Variants in PHF21A observed in about 807,000 individuals in gnomAD.
PHF21A encodes BHC80a.
A neutral mutation model predicts 82.5 loss-of-function variants in PHF21A; 11 were observed. The observed-to-expected ratio is 0.13, with a 90% CI of 0.08 to 0.22. The LOEUF (loss-of-function observed/expected upper bound fraction) is 0.22, where lower values mean the gene tolerates loss of function less well. Ranked by LOEUF, PHF21A falls within the 10% of genes least tolerant of loss-of-function variation. The pLI is 1.00. For missense variants in PHF21A, 579 were observed against 837.8 expected (o/e 0.69, Z 3.81); for synonymous variants, 297 against 302.8 (o/e 0.98, Z 0.20).
chr11:45,948,965 G>A lies in PHF21A; in HGVS notation c.1228-19C>T, dbSNP rs746958645. The A allele has an allele frequency of 6.2e-7, 1 of 1,605,560 alleles. No individual in the cohort carries two copies. Among genetic ancestry groups the A allele is most frequent in the East Asian group, 2.2e-5 (1 of 44,854 alleles). On this transcript the variant is annotated intron_variant, in intron 13 of 18. Transcript: ENST00000676320. ...TCTTACGCTTTGAGGGTTGAAGGAG[G>A]AAAGGTGACTGTTGAGTAGTGTGGT...
intron 9 of PHF21A, among the ~76,000 whole-genome samples, chr11:45,965,918 A>T (rs1288624070): frequency 6.6e-6 from 1 of 152,082 alleles, no homozygotes; most frequent in East Asian, 1.9e-4. Context: ...ACTTGTGCAC[A>T]GTATAGTCAT....
At chr11:46,109,088 A>G (rs1363769664) in intron 1 of PHF21A, among the ~76,000 whole-genome samples, 1 of 152,210 alleles carries the variant, frequency 6.6e-6, no homozygotes, top group Non-Finnish European at 1.5e-5. Flanking sequence ...AAACTTCTTT[A>G]GTAATTCATT....
chr11:46,036,157 A>T (rs557501234), intron 6 of PHF21A, among the ~76,000 whole-genome samples: 1 of 152,366 alleles, frequency 6.6e-6, no homozygotes, highest in South Asian at 2.1e-4. Context: ...GATGAGTGAA[A>T]GGGAAGAATC....
intron 1 of PHF21A, among the ~76,000 whole-genome samples, chr11:46,097,233 G>A (rs1593180766): frequency 1.3e-5 from 2 of 152,134 alleles, no homozygotes; most frequent in East Asian, 3.9e-4. Flanking sequence ...GACAGATCTT[G>A]TTACTCCTCT....
chr11:45,937,050 T>G (rs1176695319), intron 16 of PHF21A, among the ~76,000 whole-genome samples: 1 of 152,162 alleles, frequency 6.6e-6, no homozygotes, highest in Non-Finnish European at 1.5e-5. Flanking sequence ...CTAGACCCTA[T>G]GTCAAAAATC....
At chr11:46,002,620 A>G (rs1196792499) in intron 6 of PHF21A, among the ~76,000 whole-genome samples, 1 of 152,112 alleles carries the variant, frequency 6.6e-6, no homozygotes, top group African/African-American at 2.4e-5. Flanking sequence ...CGTCACAGAT[A>G]TTACCATTAG....
chr11:46,029,580 T>C (rs909595176), intron 6 of PHF21A, among the ~76,000 whole-genome samples: 7 of 149,638 alleles, frequency 4.7e-5, no homozygotes, highest in African/African-American at 1.7e-4. Context: ...CCCAGCTACT[T>C]GGGAAGCTGA....
chr11:45,975,629 T>C lies in PHF21A; in HGVS notation c.360+4131A>G, dbSNP rs1019071349. 4.6e-5 allele frequency among the ~76,000 whole-genome samples: 7 copies of C among 152,336 alleles called. No individual in the cohort carries two copies. The South Asian group carries it at 1.2e-3, about 27-fold the overall frequency. The stretch of plus-strand genomic sequence containing the variant: ...ACATTTGCATTATGCCATTAAAAAT[T>C]AGAGGGCTGTGAATATAGGTTGGAG... On this transcript the variant is annotated intron_variant, in intron 7 of 18. Transcript: ENST00000676320.
intron 6 of PHF21A, among the ~76,000 whole-genome samples, chr11:45,987,251 A>T (rs200599552): frequency 6.7e-6 from 1 of 148,446 alleles, no homozygotes; most frequent in African/African-American, 2.5e-5. Context: ...ATCATAAATA[A>T]ATGTATGTAT....
intron 7 of PHF21A, among the ~76,000 whole-genome samples, chr11:45,977,229 C>T (rs909173991): frequency 6.6e-6 from 1 of 151,140 alleles, no homozygotes; most frequent in Non-Finnish European, 1.5e-5. Context: ...CTCTGTTGCC[C>T]GGGTTCAAGT....
chr11:45,946,653 G>A (rs1011561746), intron 14 of PHF21A, among the ~76,000 whole-genome samples: 5 of 152,178 alleles, frequency 3.3e-5, no homozygotes, highest in African/African-American at 1.2e-4. Context: ...GGGATTACAG[G>A]TGTGAGCCAC....
intron 6 of PHF21A, among the ~76,000 whole-genome samples, chr11:45,997,213 G>A (rs1456998141): frequency 6.6e-6 from 1 of 152,152 alleles, no homozygotes; most frequent in Non-Finnish European, 1.5e-5. Context: ...GTATGAAACA[G>A]AGGGATTTTT....
intron 3 of PHF21A, among the ~76,000 whole-genome samples, chr11:46,087,248 C>T (rs1250122142): frequency 5.3e-5 from 8 of 152,114 alleles, no homozygotes; most frequent in Admixed American, 5.2e-4. Flanking sequence ...TACTATCAAA[C>T]AAAATGCTCA....
intron 6 of PHF21A, chr11:46,049,295 G>C (rs2096307993): frequency 2.7e-6 from 1 of 365,164 alleles, no homozygotes; most frequent in South Asian, 2.0e-5. Flanking sequence ...AGTAAGGTAT[G>C]TTGTCCTTCT....
chr11:46,029,005 G>T (rs2095810802), intron 6 of PHF21A, among the ~76,000 whole-genome samples: 1 of 152,210 alleles, frequency 6.6e-6, no homozygotes. Flanking sequence ...TCTACAAATT[G>T]TACCACAAGT....
chr11:46,067,562 A>C (rs985528820), intron 6 of PHF21A, among the ~76,000 whole-genome samples: 15 of 151,158 alleles, frequency 9.9e-5, no homozygotes, highest in African/African-American at 3.7e-4. Context: ...TAAAACACTG[A>C]AGTAGGAAAT....
At chr11:46,098,732 C>A (rs2135657589) in intron 1 of PHF21A, among the ~76,000 whole-genome samples, 1 of 152,254 alleles carries the variant, frequency 6.6e-6, no homozygotes, top group East Asian at 1.9e-4. Flanking sequence ...AACAAAAAAA[C>A]AACTCAGGTA....
At chr11:46,042,659 C>A (rs1362958808) in intron 6 of PHF21A, among the ~76,000 whole-genome samples, 1 of 152,078 alleles carries the variant, frequency 6.6e-6, no homozygotes, top group Non-Finnish European at 1.5e-5. Flanking sequence ...ATCCCCAGTG[C>A]AACTGTATTA....
At chr11:46,076,694 G>A (rs759642350) in intron 6 of PHF21A, 60 bp downstream of exon 6, 35 of 1,332,334 alleles carry the variant, frequency 2.6e-5, no homozygotes, top group Non-Finnish European at 3.2e-5. Flanking sequence ...TAGAAGCCTC[G>A]AGCAGACATA....
Sources: gnomAD v4.1 joint callset for allele counts (sites outside exome capture counted in the v4.1 genomes callset) on GRCh38, gnomAD v4.1.1 for gene constraint, MANE v1.5 for transcripts, NCBI Gene and HGNC (gene_info 2026-07-23, HGNC 2026-07-21) for gene names.